Variants in APBA2 observed in about 807,000 individuals in gnomAD.
APBA2 encodes the protein amyloid beta precursor protein binding family A member 2, also known as amyloid-beta A4 precursor protein-binding family A member 2.
A neutral mutation model predicts 75.0 loss-of-function variants in APBA2; 30 were observed. That is an observed-to-expected ratio of 0.40 (90% CI 0.30 to 0.54). APBA2 has a LOEUF of 0.54. Among genes scored for constraint, APBA2 ranks in the 20% least tolerant of loss-of-function variants. The pLI is 0.49. For missense variants in APBA2, 801 were observed against 1,016.1 expected (o/e 0.79, Z 2.88); for synonymous variants, 444 against 409.6 (o/e 1.08, Z -1.01).
At chr15:28,959,366 T>C (rs1319812179) in intron 2 of APBA2, among the ~76,000 whole-genome samples, 11 of 152,226 alleles carry the variant, frequency 7.2e-5, no homozygotes, top group Admixed American at 5.9e-4. Flanking sequence ...AGAATGTGAC[T>C]GTATTTGGAG....
intron 1 of APBA2, among the ~76,000 whole-genome samples, chr15:28,890,472 A>G (rs1164165831): frequency 2.0e-5 from 3 of 152,100 alleles, no homozygotes; most frequent in African/African-American, 7.2e-5. Context: ...CTTGTCTTGT[A>G]TGTAATGTCA....
chr15:29,061,559 TAATAC>T (rs2042130153), intron 4 of APBA2, among the ~76,000 whole-genome samples: 1 of 152,222 alleles, frequency 6.6e-6, no homozygotes, highest in Admixed American at 6.5e-5. Flanking sequence ...GTAGCCAACT[TAATAC>T]AAGTTAAAGG....
chr15:29,064,162 C>T (rs2042274439), intron 4 of APBA2, among the ~76,000 whole-genome samples: 1 of 152,194 alleles, frequency 6.6e-6, no homozygotes. Flanking sequence ...CCACACACCT[C>T]TTCTTCCAGG....
At chr15:29,032,955 C>T (rs1357372769) in intron 3 of APBA2, among the ~76,000 whole-genome samples, 8 of 152,234 alleles carry the variant, frequency 5.3e-5, no homozygotes, top group African/African-American at 1.9e-4. Context: ...GGAGCATGGA[C>T]TCTGCCCACA....
chr15:29,068,196 G>A (rs1264489035), intron 4 of APBA2, among the ~76,000 whole-genome samples: 2 of 152,196 alleles, frequency 1.3e-5, no homozygotes, highest in Non-Finnish European at 2.9e-5. Context: ...ATAAAGTCAC[G>A]CGATTGAATT....
chr15:28,990,812 C>T lies in APBA2; in HGVS notation c.-94-4941C>T, dbSNP rs185464435. The T allele has an allele frequency of 1.8e-3, 273 of 152,330 alleles. 1 individual carries two copies. The highest frequency in any genetic ancestry group is 6.5e-3 in the African/African-American group (271 of 41,576). The allele number at this position is 152,330 out of a possible 1,614,324, so 9.4% of individuals were successfully genotyped here. ...AGACTTCAAGGTAAGTTTCCAAGAA[C>T]AGAGCTCTGTGACCATTTTCATGAT... On this transcript the variant is annotated intron_variant, in intron 2 of 14. Coordinates refer to ENST00000683413, the MANE Select transcript of APBA2 (RefSeq NM_001353788.2).
At position 28,950,858 on chromosome 15, in the gene APBA2, A is replaced by G. The variant is rs574260096; in HGVS notation, c.-95+29109A>G. 4.6e-5 allele frequency among the ~76,000 whole-genome samples: 7 copies of G among 152,336 alleles called. No homozygotes were observed. In the East Asian group the frequency reaches 9.7e-4, roughly 21 times the overall value. On this transcript the variant is annotated intron_variant, in intron 2 of 14. Coordinates refer to ENST00000683413, the MANE Select transcript of APBA2 (RefSeq NM_001353788.2). ...TTTACATCAATATGGATTTGTGGAT[A>G]TATAATTTATACCTTGCTTTATAAT...
At chr15:29,022,500 G>A (rs938444822) in intron 3 of APBA2, among the ~76,000 whole-genome samples, 1 of 148,942 alleles carries the variant, frequency 6.7e-6, no homozygotes, top group Non-Finnish European at 1.5e-5. Flanking sequence ...TGTGAATAGC[G>A]TAACTCAGGG....
chr15:28,987,732 A>ATATATATATG (rs1455510496), intron 2 of APBA2, among the ~76,000 whole-genome samples: 1 of 133,698 alleles, frequency 7.5e-6, no homozygotes, highest in African/African-American at 2.9e-5. Flanking sequence ...GGAGAGAGAT[A>ATATATATATG]TATATATATA....
intron 3 of APBA2, among the ~76,000 whole-genome samples, chr15:29,001,466 C>T (rs1008483010): frequency 6.6e-6 from 1 of 152,192 alleles, no homozygotes; most frequent in African/African-American, 2.4e-5. Context: ...CCACGTGGGC[C>T]TCCCGCAGTG....
At chr15:28,916,902 C>G (rs1403574033) in intron 1 of APBA2, among the ~76,000 whole-genome samples, 3 of 152,120 alleles carry the variant, frequency 2.0e-5, no homozygotes, top group Non-Finnish European at 4.4e-5. Flanking sequence ...TGTGAGTCCT[C>G]CTGGAAATGG....
At chr15:28,931,956 G>C (rs2034587083) in intron 2 of APBA2, among the ~76,000 whole-genome samples, 1 of 152,202 alleles carries the variant, frequency 6.6e-6, no homozygotes, top group African/African-American at 2.4e-5. Flanking sequence ...GGGCATCCAG[G>C]ACAGGATCTA....
At chr15:29,102,312 G>C (rs1248817545) in intron 10 of APBA2, 3 of 189,150 alleles carry the variant, frequency 1.6e-5, no homozygotes, top group Non-Finnish European at 3.3e-5. Context: ...TAGCCTGGAG[G>C]GGGACAGAGG....
In APBA2 at chr15:29,054,869, A is replaced by G; in HGVS notation, c.951+34A>G. On this transcript the variant is annotated intron_variant, in intron 4 of 14. Transcript: ENST00000683413. This position sits in a 1 kb window ranked among gnomAD's most constrained non-coding sequence, Gnocchi z 6.1. Reference sequence around the variant, plus strand: ...CTGGCTGTCCTGGGGAAGGGAGCAGAGGGGCCCGAGAGCAAGGGACCTCAG... The same window carrying G: ...CTGGCTGTCCTGGGGAAGGGAGCAGGGGGGCCCGAGAGCAAGGGACCTCAG... 6.3e-7 allele frequency: 1 copy of G among 1,577,016 alleles called. No homozygotes were observed. The highest frequency in any genetic ancestry group is 8.6e-7 in the Non-Finnish European group (1 of 1,167,260).
At chr15:29,107,169 G>A (rs1252740673) in intron 12 of APBA2, among the ~76,000 whole-genome samples, 8 of 152,194 alleles carry the variant, frequency 5.3e-5, no homozygotes, top group African/African-American at 1.7e-4. Context: ...AGCACTGAAA[G>A]TCCGGCTTCT....
At chr15:29,060,198 G>A (rs1360824582) in intron 4 of APBA2, among the ~76,000 whole-genome samples, 4 of 152,200 alleles carry the variant, frequency 2.6e-5, no homozygotes, top group Admixed American at 2.6e-4. Flanking sequence ...TGTAAAGTCC[G>A]TGGGTGCCGG....
At chr15:29,065,196 G>A (rs745770823) in intron 4 of APBA2, among the ~76,000 whole-genome samples, 8 of 152,092 alleles carry the variant, frequency 5.3e-5, no homozygotes, top group African/African-American at 7.2e-5. Context: ...GTGACACCTG[G>A]CATCATGCCT....
intron 3 of APBA2, among the ~76,000 whole-genome samples, chr15:29,040,748 TA>T (rs2040995530): frequency 6.6e-6 from 1 of 152,214 alleles, no homozygotes; most frequent in Admixed American, 6.5e-5. Flanking sequence ...TAATCAGGGT[TA>T]AAATGTACAT....
At chr15:29,047,020 C>T (rs541281192) in intron 3 of APBA2, among the ~76,000 whole-genome samples, 31 of 152,328 alleles carry the variant, frequency 2.0e-4, no homozygotes, top group African/African-American at 4.6e-4. Context: ...TCTTCTTTAA[C>T]TCGCTTCAAG....
Sources: allele counts gnomAD v4.1 joint callset (sites outside exome capture counted in the v4.1 genomes callset), GRCh38; gene constraint gnomAD v4.1.1; non-coding constraint Gnocchi (gnomAD v3.1); transcripts MANE v1.5; gene names NCBI Gene and HGNC (gene_info 2026-07-23, HGNC 2026-07-21).